The following MBTD1 variants were observed in gnomAD, a reference collection of about 807,000 sequenced individuals.
The protein encoded by MBTD1 is MBT domain-containing protein 1.
In MBTD1, 24 loss-of-function variants were observed where a neutral mutation model predicts 87.8. The ratio of observed to expected loss-of-function variants is 0.27; its 90% confidence interval spans 0.20 to 0.38. The LOEUF (loss-of-function observed/expected upper bound fraction) is 0.38. Ranked by LOEUF, MBTD1 falls within the 10% of genes least tolerant of loss-of-function variation. MBTD1 has a pLI of 1.00. For synonymous variants in MBTD1, 237 were observed against 248.6 expected (o/e 0.95, Z 0.44); for missense variants, 436 against 760.2 (o/e 0.57, Z 5.02).
chr17:51,242,277 C>T (rs188790387), intron 2 of MBTD1, among the ~76,000 whole-genome samples: 1 of 152,332 alleles, frequency 6.6e-6, no homozygotes, highest in East Asian at 1.9e-4. Context: ...AAATCCCCAA[C>T]TCCAAGCCAT....
At chr17:51,226,240 G>C (rs1158143941) in intron 2 of MBTD1, among the ~76,000 whole-genome samples, 2 of 151,344 alleles carry the variant, frequency 1.3e-5, no homozygotes, top group Non-Finnish European at 2.9e-5. Flanking sequence ...GGCCAGGCAT[G>C]GTGGCTCACT....
At chr17:51,237,692 T>C (rs1598408164) in intron 2 of MBTD1, among the ~76,000 whole-genome samples, 1 of 152,308 alleles carries the variant, frequency 6.6e-6, no homozygotes. Context: ...CAAATGGAAC[T>C]CTCATACATT....
At chr17:51,215,887 C>CA (rs139401483) in intron 6 of MBTD1, among the ~76,000 whole-genome samples, 5,498 of 151,138 alleles carry the variant, frequency 0.036, 278 homozygotes, top group African/African-American at 0.11. Context: ...AACCTAAGCT[C>CA]AGCTTTGTTC....
chr17:51,235,076 C>T (rs1432165441), intron 2 of MBTD1, among the ~76,000 whole-genome samples: 1 of 152,068 alleles, frequency 6.6e-6, no homozygotes, highest in African/African-American at 2.4e-5. Context: ...CACTTTGATC[C>T]CCAAACCAGA....
intron 16 of MBTD1, among the ~76,000 whole-genome samples, chr17:51,181,715 T>C (rs1024916279): frequency 3.9e-5 from 6 of 152,204 alleles, no homozygotes; most frequent in African/African-American, 1.4e-4. Context: ...TGGTGGCTAA[T>C]GCTTACAGTC....
chr17:51,208,293 G>GT (rs1489471778), intron 6 of MBTD1, among the ~76,000 whole-genome samples: 1 of 152,238 alleles, frequency 6.6e-6, no homozygotes, highest in African/African-American at 2.4e-5. Context: ...GTTTACCTCA[G>GT]TAACTTGGAG....
At chr17:51,183,444 A>G (rs1275718726) in intron 16 of MBTD1, 1 of 152,170 alleles carries the variant, frequency 6.6e-6, no homozygotes, top group Non-Finnish European at 1.5e-5. Flanking sequence ...CACATGGGAT[A>G]ACCTCCCAAA....
chr17:51,255,600 CTTTTT>C (rs1162659426), intron 2 of MBTD1, among the ~76,000 whole-genome samples: 1 of 141,174 alleles, frequency 7.1e-6, no homozygotes, highest in African/African-American at 2.6e-5. Flanking sequence ...TTTTTTTTTC[CTTTTT>C]TTTTTTTTGA....
chr17:51,226,592 T>C (rs2053232353), intron 2 of MBTD1, among the ~76,000 whole-genome samples: 1 of 152,004 alleles, frequency 6.6e-6, no homozygotes, highest in Non-Finnish European at 1.5e-5. Flanking sequence ...AAAACTAAAC[T>C]TCTAGACCAA....
At chr17:51,192,682 T>C (rs2050870716) in intron 15 of MBTD1, 100 bp downstream of exon 15, 3 of 1,554,118 alleles carry the variant, frequency 1.9e-6, no homozygotes, top group Admixed American at 3.8e-5. Flanking sequence ...GACATAGGTA[T>C]ATTCTTGTCC....
At position 51,203,890 on chromosome 17, in the gene MBTD1, T is replaced by A. The variant is rs752819296; in HGVS notation, c.640A>T (p.Asn214Tyr). The change falls in exon 8 of 17, where the codon AAT (asparagine) becomes TAT (tyrosine). Residue 214 changes from asparagine to tyrosine, a missense_variant. Physicochemically the swap from Asn to Tyr is moderately radical, Grantham distance 143 (BLOSUM62 -2). This residue lies in a region of MBTD1 where 268 missense variants were observed against 401.8 expected (regional missense o/e 0.67). Coordinates refer to ENST00000586178, the MANE Select transcript of MBTD1 (RefSeq NM_017643.3). ...CACCAGAAGTCCAGACCAGAGTCAT[T>A]TTCAAATCCTTCATATCTTAAAAGG... ...NALLRYEGFE[N>Y]DSGLDFWCNI... 2 of 1,612,214 alleles carry A rather than the reference T, an allele frequency of 1.2e-6. No homozygotes were observed. Among genetic ancestry groups the A allele is most frequent in the Non-Finnish European group, 1.7e-6 (2 of 1,179,408 alleles).
rs577368305 is a variant in MBTD1 at position 51,206,064 on chromosome 17, A to G, written c.604+824T>C. Among the ~76,000 whole-genome samples, 8 of 152,294 alleles carry G rather than the reference A, an allele frequency of 5.3e-5. No individual in the cohort carries two copies. In the East Asian group the frequency reaches 1.5e-3, roughly 29 times the overall value. ...AGTAGTCAACATTTGGCCGATGTGA[A>G]CATGCTGGAAAAAATACAAGTCTTA... On this transcript the variant is annotated intron_variant, in intron 7 of 16. Coordinates refer to ENST00000586178, the MANE Select transcript of MBTD1 (RefSeq NM_017643.3).
chr17:51,193,368 A>T, intron 14 of MBTD1, 60 bp downstream of exon 14: 3 of 1,148,440 alleles, frequency 2.6e-6, no homozygotes, highest in Non-Finnish European at 3.9e-6. Context: ...TTATGAACAT[A>T]AATTGTATTT....
At chr17:51,210,990 A>T (rs1324006696) in intron 6 of MBTD1, among the ~76,000 whole-genome samples, 1 of 151,870 alleles carries the variant, frequency 6.6e-6, no homozygotes, top group Non-Finnish European at 1.5e-5. Flanking sequence ...CACAAAAATT[A>T]GCCGGGTGTG....
At position 51,197,057 on chromosome 17, in the gene MBTD1, T is replaced by C. The variant is rs1292778066; in HGVS notation, c.1225-1696A>G. 6.6e-3 allele frequency among the ~76,000 whole-genome samples: 3 copies of C among 452 alleles called. 1 individual carries two copies. The highest frequency in any genetic ancestry group is 0.2 in the South Asian group (2 of 10). 0.3% of individuals were successfully genotyped at this position (452 alleles called of 152,430 possible). On this transcript the variant is annotated intron_variant, in intron 12 of 16. Coordinates refer to ENST00000586178, the MANE Select transcript of MBTD1 (RefSeq NM_017643.3). ...TATATACAAGATATATATATATATA[T>C]ATATATATATATATATATATATATA...
chr17:51,248,327 A>T (rs1467428832), intron 2 of MBTD1, among the ~76,000 whole-genome samples: 1 of 152,058 alleles, frequency 6.6e-6, no homozygotes, highest in African/African-American at 2.4e-5. Flanking sequence ...AGGGCTATGA[A>T]TTTTCCTCTG....
At position 51,180,719 on chromosome 17, in the gene MBTD1, TG is replaced by T. The variant is rs1443641165; in HGVS notation, c.1769-26del. The T allele has an allele frequency of 4.6e-6, 6 of 1,295,710 alleles. No individual in the cohort carries two copies. In the African/African-American group the frequency reaches 5.9e-5, roughly 13 times the overall value. The allele number at this position is 1,295,710 out of a possible 1,614,324, so 80.3% of individuals were successfully genotyped here. A position where few individuals can be genotyped will look rare whatever the true frequency, so the allele number is the denominator to read the frequency against. On this transcript the variant is annotated intron_variant, in intron 16 of 16. Transcript: ENST00000586178. Reference sequence around the variant, plus strand: ...ACTGAATGAAAGAGAGAGAAACATATGGGCATTAAGGCTCTCTAGAGTACTC... The same window carrying T: ...ACTGAATGAAAGAGAGAGAAACATATGGCATTAAGGCTCTCTAGAGTACTC...
At position 51,237,767 on chromosome 17, in the gene MBTD1, A is replaced by C. The variant is rs576273941; in HGVS notation, c.-48-12558T>G. The stretch of plus-strand genomic sequence containing the variant: ...CAGGCAGTTTCTTAAAAAGTTAAAC[A>C]ACCACCTACCATCCATTCCACTCAT... On this transcript the variant is annotated intron_variant, in intron 2 of 16. Coordinates refer to ENST00000586178, the MANE Select transcript of MBTD1 (RefSeq NM_017643.3). 1.1e-3 allele frequency among the ~76,000 whole-genome samples: 172 copies of C among 152,316 alleles called. 2 individuals are homozygous for C. Among genetic ancestry groups the C allele is most frequent in the Middle Eastern group, 6.8e-3 (2 of 294 alleles).
Position 51,252,029 on chromosome 17 carries a change from T to A in MBTD1, c.-49+7114A>T, listed in dbSNP as rs186607878. 3.8e-3 allele frequency among the ~76,000 whole-genome samples: 580 copies of A among 152,358 alleles called. 4 individuals carry two copies. The highest frequency in any genetic ancestry group is 0.013 in the African/African-American group (555 of 41,596). On this transcript the variant is annotated intron_variant, in intron 2 of 16. Coordinates refer to ENST00000586178, the MANE Select transcript of MBTD1 (RefSeq NM_017643.3). ...ATTGGCCCACTTCGGCCTCCCAAAG[T>A]GTTGGGATTACAGGCATGAGCCACT...
Sources: allele counts gnomAD v4.1 joint callset (sites outside exome capture counted in the v4.1 genomes callset), GRCh38; gene constraint gnomAD v4.1.1; regional missense constraint gnomAD v4.1.1; transcripts MANE v1.5; gene names NCBI Gene and HGNC (gene_info 2026-07-23, HGNC 2026-07-21).